MAPK6: variants seen among roughly 807,000 people sequenced by gnomAD.
MAPK6 encodes mitogen-activated protein kinase 6.
A neutral mutation model predicts 59.3 loss-of-function variants in MAPK6; 19 were observed. The ratio of observed to expected loss-of-function variants is 0.32; its 90% confidence interval spans 0.22 to 0.47. The LOEUF (loss-of-function observed/expected upper bound fraction) is 0.47. Among genes scored for constraint, MAPK6 ranks in the 20% least tolerant of loss-of-function variants. MAPK6 has a pLI of 1.00. For missense variants in MAPK6, 724 were observed against 847.9 expected (o/e 0.85, Z 1.81); for synonymous variants, 316 against 290.3 (o/e 1.09, Z -0.90).
intron 1 of MAPK6, among the ~76,000 whole-genome samples, chr15:52,020,246 G>T (rs559189584): frequency 1.2e-4 from 18 of 152,338 alleles, no homozygotes; most frequent in Non-Finnish European, 2.4e-4. Context: ...GCATCCTTTT[G>T]TTTCTTGGCG....
intron 1 of MAPK6, among the ~76,000 whole-genome samples, chr15:52,027,043 C>G (rs975254402): frequency 4.8e-5 from 7 of 145,738 alleles, no homozygotes; most frequent in Admixed American, 2.8e-4. Context: ...GAGCAATACT[C>G]TGTCTTGAAA....
intron 1 of MAPK6, among the ~76,000 whole-genome samples, chr15:51,977,473 G>A (rs1257599754): frequency 6.6e-6 from 1 of 151,746 alleles, no homozygotes; most frequent in Admixed American, 6.6e-5. Context: ...GAGATGCCAG[G>A]CCAACCCCCA....
At chr15:52,022,525 G>A (rs188939711) in intron 1 of MAPK6, among the ~76,000 whole-genome samples, 1 of 152,138 alleles carries the variant, frequency 6.6e-6, no homozygotes, top group Non-Finnish European at 1.5e-5. Flanking sequence ...GCCTTCCAGA[G>A]TGTTGGGATT....
rs1207529953 is a variant in MAPK6, at chr15:52,050,126, C to T, written c.689C>T (p.Thr230Ile). ...CIFAEMLTGK[T>I]LFAGAHELEQ... is the part of the protein sequence containing the mutation. ...TTTGCTGAAATGCTGACTGGTAAAA[C>T]CCTTTTTGCAGGTTAGTATTTTGTG... The change falls in exon 3 of 6, where the codon ACC (threonine) becomes ATC (isoleucine). Residue 230 changes from threonine (T) to isoleucine (I), a missense_variant. This residue lies in a region of MAPK6 where 105 missense variants were observed against 191.9 expected (regional missense o/e 0.55). Coordinates refer to ENST00000261845, the MANE Select transcript of MAPK6 (RefSeq NM_002748.4). The T allele has an allele frequency of 1.2e-6, 2 of 1,607,078 alleles. No individual in the cohort carries two copies. The highest frequency in any genetic ancestry group is 3.5e-5 in the Admixed American group (2 of 57,722).
intron 3 of MAPK6, among the ~76,000 whole-genome samples, chr15:52,011,640 G>A (rs2060033702): frequency 6.6e-6 from 1 of 152,148 alleles, no homozygotes; most frequent in African/African-American, 2.4e-5. Context: ...TTGTGCCAGA[G>A]GTTTGCAGGA....
rs774940749 is a variant in MAPK6, at chr15:52,061,421, C to T, written c.988C>T (p.His330Tyr). ...SFPMDEPISS[H>Y]PFHIEDEVDD... The stretch of plus-strand genomic sequence containing the variant: ...TCCAATGGATGAGCCAATTTCAAGC[C>T]ATCCTTTTCATATTGAAGATGAAGT... Residue 330 changes from histidine to tyrosine, a missense_variant, in exon 5 of 6, where the codon CAT (histidine) becomes TAT (tyrosine). Around this residue, in one of 4 missense-constraint regions of MAPK6, gnomAD observed 502 missense variants for 507.6 expected, o/e 0.99. Transcript: ENST00000261845. The T allele has an allele frequency of 8.7e-6, 14 of 1,613,884 alleles. No individual in the cohort carries two copies. The South Asian group carries it at 1.4e-4, about 16-fold the overall frequency.
intron 1 of MAPK6, among the ~76,000 whole-genome samples, chr15:52,027,349 CAAAAAAAAAAA>C (rs71130120): frequency 2.6e-3 from 128 of 49,204 alleles, no homozygotes; most frequent in Admixed American, 6.1e-3. Context: ...GACTCCCTCT[CAAAAAAAAAAA>C]AAAAAAAAGA....
chr15:52,020,592 C>G (rs965095676), intron 1 of MAPK6, among the ~76,000 whole-genome samples: 2 of 152,176 alleles, frequency 1.3e-5, no homozygotes, highest in African/African-American at 4.8e-5. Flanking sequence ...TCCAATTGCA[C>G]ATGTCCTCCC....
intron 2 of MAPK6, among the ~76,000 whole-genome samples, chr15:51,987,219 T>C (rs1263929682): frequency 6.6e-6 from 1 of 152,174 alleles, no homozygotes; most frequent in Non-Finnish European, 1.5e-5. Flanking sequence ...CAAAAAGAAA[T>C]CGAACTGAGG....
rs568165301 is a variant in MAPK6 at position 51,993,273 on chromosome 15, T to C, written c.-770+9958T>C. 2.0e-5 allele frequency among the ~76,000 whole-genome samples: 3 copies of C among 152,260 alleles called. No homozygotes were observed. In the East Asian group the frequency reaches 5.8e-4, roughly 29 times the overall value. On this transcript the variant is annotated intron_variant, in intron 2 of 7. Transcript: ENST00000691380. ...GGGAGCTCTGAGTCAGGAACCAAGG[T>C]CAAAGACCAAATATTAGAACAAAAG...
chr15:52,049,184 T>C (rs1178426394), intron 2 of MAPK6, among the ~76,000 whole-genome samples: 1 of 152,120 alleles, frequency 6.6e-6, no homozygotes, highest in African/African-American at 2.4e-5. Flanking sequence ...ATAGGATTTA[T>C]AGTAGAGGTC....
intron 3 of MAPK6, among the ~76,000 whole-genome samples, chr15:52,005,914 G>A (rs1009055020): frequency 6.6e-6 from 1 of 152,146 alleles, no homozygotes; most frequent in African/African-American, 2.4e-5. Flanking sequence ...GTGATAGACT[G>A]TGTGGAAGCA....
rs555444067 is a variant in MAPK6, at chr15:52,031,535, T to G, written c.-632+12159T>G. 2.0e-5 allele frequency among the ~76,000 whole-genome samples: 3 copies of G among 152,278 alleles called. No individual in the cohort carries two copies. The East Asian group carries it at 5.8e-4, about 29-fold the overall frequency. On this transcript the variant is annotated intron_variant, in intron 1 of 5. Coordinates refer to ENST00000261845, the MANE Select transcript of MAPK6 (RefSeq NM_002748.4). ...AGTCTCAATAAAACCTTGCTTATAT[T>G]CTTGTAAAATGTTGACCAGGCGTGG...
At chr15:52,038,043 G>A (rs1300803587) in intron 1 of MAPK6, among the ~76,000 whole-genome samples, 1 of 151,826 alleles carries the variant, frequency 6.6e-6, no homozygotes, top group African/African-American at 2.4e-5. Context: ...AGAAAAGGGA[G>A]TGAAAATGTT....
In MAPK6 at chr15:51,975,635, A is replaced by G. The variant is rs1021881842; in HGVS notation, c.-880+3729A>G. Among the ~76,000 whole-genome samples the G allele has an allele frequency of 2.6e-5, 4 of 151,910 alleles. No individual in the cohort carries two copies. The East Asian group carries it at 5.8e-4, about 22-fold the overall frequency. On this transcript the variant is annotated intron_variant, in intron 1 of 7. Coordinates refer to the MAPK6 transcript ENST00000691380. ...TAACACCTTAACGACTTAGAGGAAA[A>G]ATAACAGATTGATTAAACAGAATAT...
chr15:51,976,486 T>G (rs142861241), intron 1 of MAPK6, among the ~76,000 whole-genome samples: 1 of 151,760 alleles, frequency 6.6e-6, no homozygotes, highest in East Asian at 1.9e-4. Context: ...CTTATCAAAT[T>G]CATTCCCTGA....
At chr15:52,049,764 A>G (rs946232547) in intron 2 of MAPK6, among the ~76,000 whole-genome samples, 2 of 151,732 alleles carry the variant, frequency 1.3e-5, no homozygotes, top group Non-Finnish European at 2.9e-5. Context: ...ACAGGCATGC[A>G]CCACCACACC....
At chr15:52,031,194 A>G (rs886662776) in intron 1 of MAPK6, among the ~76,000 whole-genome samples, 14 of 152,132 alleles carry the variant, frequency 9.2e-5, no homozygotes, top group Non-Finnish European at 1.6e-4. Flanking sequence ...TGTCCTCCCA[A>G]TGTGCCGGGA....
At chr15:52,029,564 T>C (rs2030949887) in intron 1 of MAPK6, among the ~76,000 whole-genome samples, 1 of 152,200 alleles carries the variant, frequency 6.6e-6, no homozygotes, top group Non-Finnish European at 1.5e-5. Context: ...CATTACCACT[T>C]AGTAACCTAG....
Sources: allele counts gnomAD v4.1 joint callset (sites outside exome capture counted in the v4.1 genomes callset), GRCh38; gene constraint gnomAD v4.1.1; regional missense constraint gnomAD v4.1.1; transcripts MANE v1.5; gene names NCBI Gene and HGNC (gene_info 2026-07-23, HGNC 2026-07-21).